AP3S2: variants seen among roughly 807,000 people sequenced by gnomAD.
AP3S2 encodes AP-3 complex subunit sigma-2.
In AP3S2, 22 loss-of-function variants were observed where a neutral mutation model predicts 23.4. The observed-to-expected ratio is 0.94, with a 90% confidence interval of 0.67 to 1.34. AP3S2 has a LOEUF of 1.34. AP3S2 is among the 40% of genes most tolerant of loss of function. The pLI is 0.00. For synonymous variants in AP3S2, 86 were observed against 87.1 expected (o/e 0.99, Z 0.07); for missense variants, 241 against 236.9 (o/e 1.02, Z -0.11).
intron 3 of AP3S2, chr15:89,877,041 C>T (rs904803705): frequency 1.5e-5 from 4 of 267,794 alleles, no homozygotes; most frequent in East Asian, 1.1e-4. Flanking sequence ...GCAAACTCCC[C>T]GTCTGCTGAA....
rs112729276 is a variant in AP3S2 at position 89,860,793 on chromosome 15, A to G, written c.345+10682T>C. ...AGTAAAGAAGGGCTTTATAGATGCA[A>G]TGGAACACAAGGCTGGTCTCAGCTC... On this transcript the variant is annotated intron_variant, in intron 4 of 5. Coordinates refer to ENST00000336418, the MANE Select transcript of AP3S2 (RefSeq NM_005829.5). Among the ~76,000 whole-genome samples the G allele has an allele frequency of 9.4e-3, 1,432 of 152,330 alleles. 11 individuals are homozygous for G. Among genetic ancestry groups the G allele is most frequent in the Non-Finnish European group, 0.016 (1,056 of 68,026 alleles).
At chr15:89,868,692 T>TG (rs1376666352) in intron 4 of AP3S2, among the ~76,000 whole-genome samples, 1 of 92,416 alleles carries the variant, frequency 1.1e-5, no homozygotes, top group Non-Finnish European at 2.2e-5. Context: ...GGGAGGGAGG[T>TG]GGGGGGGTCA....
chr15:89,842,884 T>C (rs1241355208), intron 4 of AP3S2, among the ~76,000 whole-genome samples: 1 of 152,258 alleles, frequency 6.6e-6, no homozygotes, highest in Non-Finnish European at 1.5e-5. Flanking sequence ...GTGCTGGGAT[T>C]ACAGGCGTAA....
chr15:89,868,533 C>A (rs1361263459), intron 4 of AP3S2, among the ~76,000 whole-genome samples: 4 of 122,228 alleles, frequency 3.3e-5, no homozygotes, highest in Non-Finnish European at 7.0e-5. Context: ...GTCAGCCCCC[C>A]GCCCGGCCAG....
chr15:89,880,533 G>A (rs957369845), intron 3 of AP3S2, among the ~76,000 whole-genome samples: 1 of 152,056 alleles, frequency 6.6e-6, no homozygotes, highest in Non-Finnish European at 1.5e-5. Flanking sequence ...AATTAGCCAG[G>A]TGCGGTGGTG....
chr15:89,869,689 T>C (rs2141879505), intron 4 of AP3S2, among the ~76,000 whole-genome samples: 1 of 152,164 alleles, frequency 6.6e-6, no homozygotes, highest in Admixed American at 6.5e-5. Context: ...AGGTGGCATC[T>C]TCAAAGAACC....
chr15:89,838,955 A>T (rs1004461303), intron 4 of AP3S2, among the ~76,000 whole-genome samples: 1 of 152,142 alleles, frequency 6.6e-6, no homozygotes, highest in African/African-American at 2.4e-5. Flanking sequence ...TTGGGTCTGG[A>T]GCAGGGCTTC....
intron 4 of AP3S2, chr15:89,845,561 A>T (rs554516824): frequency 6.6e-6 from 1 of 152,386 alleles, no homozygotes; most frequent in African/African-American, 2.4e-5. Context: ...AACTGGAGAT[A>T]GAGTCAGGGC....
At chr15:89,882,806 A>G (rs892002887) in intron 3 of AP3S2, among the ~76,000 whole-genome samples, 17 of 152,218 alleles carry the variant, frequency 1.1e-4, no homozygotes, top group African/African-American at 3.4e-4. Flanking sequence ...AGTAAAGCAA[A>G]TCTCCCATCA....
At chr15:89,882,757 TAATC>T (rs1361534089) in intron 3 of AP3S2, among the ~76,000 whole-genome samples, 2 of 152,222 alleles carry the variant, frequency 1.3e-5, no homozygotes, top group East Asian at 3.8e-4. Context: ...ATTTTCTAGA[TAATC>T]AATTCATCTG....
rs1033994517 is a variant in AP3S2, at chr15:89,893,847, C to A, written c.69+34G>T. Reference sequence around the variant, plus strand: ...GAGGAGGGAAGACATAGTGGGCGCCCTGAAGGGGCGTGGTGAAGCCGGGCC... The same window carrying A: ...GAGGAGGGAAGACATAGTGGGCGCCATGAAGGGGCGTGGTGAAGCCGGGCC... On this transcript the variant is annotated intron_variant, in intron 1 of 5. Coordinates refer to ENST00000336418, the MANE Select transcript of AP3S2 (RefSeq NM_005829.5). 3.2e-6 allele frequency: 5 copies of A among 1,551,088 alleles called. No homozygotes were observed. In the African/African-American group the frequency reaches 6.8e-5, roughly 21 times the overall value.
intron 3 of AP3S2, chr15:89,877,024 A>T: frequency 3.7e-6 from 1 of 273,940 alleles, no homozygotes; most frequent in South Asian, 3.6e-5. Context: ...AAGGCAAGAA[A>T]AACTGGGCAA....
intron 3 of AP3S2, among the ~76,000 whole-genome samples, chr15:89,880,336 C>G (rs1199489962): frequency 2.0e-5 from 3 of 152,024 alleles, no homozygotes; most frequent in Non-Finnish European, 2.9e-5. Context: ...AGAGAACGTA[C>G]TGAAAAACAA....
intron 3 of AP3S2, chr15:89,877,253 T>C: frequency 8.6e-7 from 1 of 1,156,756 alleles, no homozygotes; most frequent in Non-Finnish European, 1.2e-6. Flanking sequence ...GGAACGGGAT[T>C]GGGTTTCACA....
At chr15:89,878,319 C>A in intron 3 of AP3S2, 1 of 641,050 alleles carries the variant, frequency 1.6e-6, no homozygotes, top group Non-Finnish European at 2.8e-6. Flanking sequence ...AGCAAAAAGA[C>A]CAATGGAGTA....
At chr15:89,890,975 C>T (rs1896808045) in intron 1 of AP3S2, among the ~76,000 whole-genome samples, 1 of 152,176 alleles carries the variant, frequency 6.6e-6, no homozygotes, top group African/African-American at 2.4e-5. Context: ...AAACAAAGCT[C>T]ACAGATGACA....
intron 4 of AP3S2, among the ~76,000 whole-genome samples, chr15:89,846,825 A>C (rs915303719): frequency 1.3e-5 from 2 of 151,828 alleles, no homozygotes; most frequent in African/African-American, 2.4e-5. Context: ...TGCGCCCAGC[A>C]CACCTGGCTA....
intron 4 of AP3S2, among the ~76,000 whole-genome samples, chr15:89,855,296 G>C (rs1347357156): frequency 9.4e-6 from 1 of 106,890 alleles, no homozygotes; most frequent in Non-Finnish European, 1.9e-5. Context: ...GGCGGTGCAA[G>C]ATGTGCTTTG....
In AP3S2 at chr15:89,859,311, CCTTT is replaced by C. The variant is rs911338789; in HGVS notation, c.345+12160_345+12163del. 2.8e-5 allele frequency among the ~76,000 whole-genome samples: 4 copies of C among 144,334 alleles called. No homozygotes were observed. The East Asian group carries it at 8.1e-4, about 29-fold the overall frequency. The allele number at this position is 144,334 out of a possible 152,430, so 94.7% of individuals were successfully genotyped here. A position where few individuals can be genotyped will look rare whatever the true frequency, so the allele number is the denominator to read the frequency against. ...TTTCTTTTCTTTTTCTTCCTTCCTT[CCTTT>C]CCTTCCTTCCTTTTTCCTTCCTTTC... On this transcript the variant is annotated intron_variant, in intron 4 of 5. Transcript: ENST00000336418.
Sources: gnomAD v4.1 joint callset for allele counts (sites outside exome capture counted in the v4.1 genomes callset) on GRCh38, gnomAD v4.1.1 for gene constraint, MANE v1.5 for transcripts, NCBI Gene and HGNC (gene_info 2026-07-23, HGNC 2026-07-21) for gene names.